The following HPSE2 variants were observed in gnomAD, a reference collection of about 807,000 sequenced individuals.
HPSE2 encodes heparanase 2 (inactive).
HPSE2 carries 38 observed loss-of-function variants against 60.5 expected under a neutral mutation model. That is an observed-to-expected ratio of 0.63 (90% CI 0.48 to 0.82). The LOEUF (loss-of-function observed/expected upper bound fraction) is 0.82, where lower values mean the gene tolerates loss of function less well. Among genes scored for constraint, HPSE2 ranks in the 40% least tolerant of loss-of-function variants. The pLI is 0.00. For synonymous variants in HPSE2, 295 were observed against 293.2 expected (o/e 1.01, Z -0.06); for missense variants, 713 against 740.4 (o/e 0.96, Z 0.43).
intron 9 of HPSE2, among the ~76,000 whole-genome samples, chr10:98,570,252 T>A (rs1359607288): frequency 1.3e-5 from 2 of 152,194 alleles, no homozygotes; most frequent in African/African-American, 4.8e-5. Flanking sequence ...GCTGTCTCTG[T>A]GCTCAGCTTG....
At chr10:99,232,056 G>A (rs942924827) in intron 2 of HPSE2, among the ~76,000 whole-genome samples, 2 of 152,104 alleles carry the variant, frequency 1.3e-5, no homozygotes, top group African/African-American at 4.8e-5. Context: ...CCCAGCAAAA[G>A]GCCGGCAGCT....
chr10:98,555,926 A>C (rs1943995664), intron 9 of HPSE2, among the ~76,000 whole-genome samples: 1 of 152,186 alleles, frequency 6.6e-6, no homozygotes, highest in Non-Finnish European at 1.5e-5. Flanking sequence ...GGTAGAATAA[A>C]GAGTCCTGAA....
the HPSE2 span, among the ~76,000 whole-genome samples, chr10:99,303,362 C>T: frequency 9.9e-5 from 15 of 152,256 alleles, no homozygotes; most frequent in East Asian, 2.9e-3. Flanking sequence ...TTAAGAGACA[C>T]ATAGAATGAG....
chr10:98,735,820 T>A (rs1408715455), intron 4 of HPSE2, among the ~76,000 whole-genome samples: 1 of 152,200 alleles, frequency 6.6e-6, no homozygotes, highest in Non-Finnish European at 1.5e-5. Flanking sequence ...GTTCTACCAT[T>A]TATCTAGGAA....
chr10:99,244,904 T>C, the HPSE2 span, among the ~76,000 whole-genome samples: 1 of 151,900 alleles, frequency 6.6e-6, no homozygotes, highest in Non-Finnish European at 1.5e-5. Context: ...AGTAGTTTTG[T>C]CCCCACATAA....
At chr10:98,741,802 T>G (rs1192924302) in intron 4 of HPSE2, among the ~76,000 whole-genome samples, 1 of 152,204 alleles carries the variant, frequency 6.6e-6, no homozygotes, top group African/African-American at 2.4e-5. Flanking sequence ...CATTCTTTAG[T>G]GTCTGATACT....
At chr10:98,661,563 T>G (rs1947225289) in intron 6 of HPSE2, among the ~76,000 whole-genome samples, 1 of 152,220 alleles carries the variant, frequency 6.6e-6, no homozygotes, top group Non-Finnish European at 1.5e-5. Context: ...TTTTATATAA[T>G]ATTCTATGCA....
Position 98,921,798 on chromosome 10 carries a change from A to G in HPSE2, c.611-177742T>C, listed in dbSNP as rs1954288862. Among the ~76,000 whole-genome samples the G allele has an allele frequency of 3.3e-5, 5 of 152,036 alleles. No homozygotes were observed. In the South Asian group the frequency reaches 1.0e-3, roughly 32 times the overall value. ...GATTTCTTCCCACAGGTGCAGGAGA[A>G]GCTTATTAGGTGAATATCTTTCATG... On this transcript the variant is annotated intron_variant, in intron 3 of 11. Transcript: ENST00000370552.
At chr10:99,034,844 G>A (rs185778508) in intron 3 of HPSE2, among the ~76,000 whole-genome samples, 1 of 152,266 alleles carries the variant, frequency 6.6e-6, no homozygotes, top group East Asian at 1.9e-4. Context: ...CTAACACATG[G>A]TAATTGTGAG....
At chr10:98,626,795 C>T (rs181689911) in intron 7 of HPSE2, among the ~76,000 whole-genome samples, 8 of 151,174 alleles carry the variant, frequency 5.3e-5, no homozygotes, top group East Asian at 3.9e-4. Context: ...TTTCTCAAGA[C>T]GGAGTCTCGC....
At chr10:99,102,171 CA>C (rs201203377) in intron 3 of HPSE2, among the ~76,000 whole-genome samples, 74,068 of 151,264 alleles carry the variant, frequency 0.49, 20,499 homozygotes, top group East Asian at 0.65. Flanking sequence ...AAAAACCCTT[CA>C]AAAAATTAAT....
intron 3 of HPSE2, among the ~76,000 whole-genome samples, chr10:98,878,238 C>G (rs143195162): frequency 3.5e-4 from 53 of 152,058 alleles, no homozygotes; most frequent in African/African-American, 1.3e-3. Flanking sequence ...AGCCAATGTA[C>G]AGAATGCTAT....
chr10:98,969,085 T>C (rs1184917743), intron 3 of HPSE2, among the ~76,000 whole-genome samples: 1 of 152,114 alleles, frequency 6.6e-6, no homozygotes, highest in Non-Finnish European at 1.5e-5. Context: ...TTAACATAAA[T>C]CAAAGTCACT....
intron 9 of HPSE2, among the ~76,000 whole-genome samples, 195 bp downstream of exon 9, chr10:98,614,701 ATGTGTGTG>A (rs141443710): frequency 1.3e-5 from 2 of 148,918 alleles, no homozygotes; most frequent in African/African-American, 2.5e-5. Flanking sequence ...GAGTGAACAG[ATGTGTGTG>A]TGTGTGTGTG....
chr10:98,762,383 G>A (rs1014248293), intron 3 of HPSE2, among the ~76,000 whole-genome samples: 1 of 152,128 alleles, frequency 6.6e-6, no homozygotes, highest in East Asian at 1.9e-4. Context: ...CCAGAGAGAA[G>A]GAGAGAGACA....
chr10:98,560,348 G>A (rs1944135926), intron 9 of HPSE2, among the ~76,000 whole-genome samples: 1 of 152,202 alleles, frequency 6.6e-6, no homozygotes, highest in Non-Finnish European at 1.5e-5. Context: ...GACTGGATGA[G>A]CTGGCTTCTC....
chr10:98,962,516 G>A (rs1955704130), intron 3 of HPSE2, among the ~76,000 whole-genome samples: 1 of 151,458 alleles, frequency 6.6e-6, no homozygotes, highest in Admixed American at 6.6e-5. Context: ...TTTGAAAACT[G>A]GCACAAGACA....
the HPSE2 span, among the ~76,000 whole-genome samples, chr10:99,301,961 T>A: frequency 1.3e-5 from 2 of 151,550 alleles, no homozygotes; most frequent in Admixed American, 6.6e-5. Context: ...AGGAAACAGA[T>A]CCCCAACTCA....
At chr10:99,234,831 G>A (rs1004985678) in intron 1 of HPSE2, among the ~76,000 whole-genome samples, 1 of 151,630 alleles carries the variant, frequency 6.6e-6, no homozygotes, top group African/African-American at 2.4e-5. Flanking sequence ...TGCAGTTACC[G>A]CAGGAGATTT....
Sources: allele counts gnomAD v4.1 joint callset (sites outside exome capture counted in the v4.1 genomes callset), GRCh38; gene constraint gnomAD v4.1.1; transcripts MANE v1.5; gene names NCBI Gene and HGNC (gene_info 2026-07-23, HGNC 2026-07-21).